Variants in MTCH2 observed in about 807,000 individuals in gnomAD.
MTCH2 encodes the protein mitochondrial carrier homolog 2.
In MTCH2, 25 loss-of-function variants were observed where a neutral mutation model predicts 50.6. The observed-to-expected ratio is 0.49, with a 90% CI of 0.36 to 0.69. MTCH2 has a LOEUF of 0.69. Among genes scored for constraint, MTCH2 ranks in the 30% least tolerant of loss-of-function variants. The probability of loss-of-function intolerance (pLI) is 0.00; values close to 1 mark genes in which losing one functional copy is unlikely to be tolerated. For missense variants in MTCH2, 273 were observed against 384.4 expected (o/e 0.71, Z 2.42); for synonymous variants, 106 against 132.0 (o/e 0.80, Z 1.35).
chr11:47,608,644 G>A, the MTCH2 span, among the ~76,000 whole-genome samples: 11 of 152,216 alleles, frequency 7.2e-5, no homozygotes, highest in East Asian at 9.7e-4. Flanking sequence ...GGCTTGGGGC[G>A]GAAGGATTAA....
At chr11:47,621,568 G>A (rs1565962630) in intron 12 of MTCH2, among the ~76,000 whole-genome samples, 1 of 151,988 alleles carries the variant, frequency 6.6e-6, no homozygotes, top group Non-Finnish European at 1.5e-5. Context: ...CAGTAGCTGG[G>A]ACTACAGGCA....
chr11:47,641,816 A>G (rs767242057), intron 1 of MTCH2, among the ~76,000 whole-genome samples: 1 of 152,176 alleles, frequency 6.6e-6, no homozygotes, highest in Non-Finnish European at 1.5e-5. Context: ...CCCCTTCATT[A>G]ACACTTCTGA....
intron 8 of MTCH2, chr11:47,629,494 A>T (rs188961302): frequency 2.4e-5 from 4 of 169,586 alleles, no homozygotes; most frequent in African/African-American, 9.5e-5. Flanking sequence ...GATGAGAGGC[A>T]TCAAAAACCA....
At chr11:47,613,579 C>T (rs978768821), downstream of MTCH2, among the ~76,000 whole-genome samples, 6 of 152,104 alleles carry the variant, frequency 3.9e-5, no homozygotes, top group Non-Finnish European at 8.8e-5. Context: ...GAAATCCTTG[C>T]CATACAGTAA....
the MTCH2 span, among the ~76,000 whole-genome samples, chr11:47,606,257 C>T: frequency 3.9e-5 from 6 of 152,194 alleles, no homozygotes; most frequent in African/African-American, 1.4e-4. Flanking sequence ...TGCTTTTCCT[C>T]GGGGGAGAAA....
intron 3 of MTCH2, among the ~76,000 whole-genome samples, chr11:47,637,417 C>T (rs1449108927): frequency 2.6e-5 from 4 of 152,172 alleles, no homozygotes; most frequent in South Asian, 2.1e-4. Context: ...CATAAAAGGA[C>T]AGAGAATTGA....
the MTCH2 span, among the ~76,000 whole-genome samples, chr11:47,605,859 T>C: frequency 2.6e-5 from 4 of 152,244 alleles, no homozygotes; most frequent in African/African-American, 9.6e-5. Flanking sequence ...TTATTGTTGA[T>C]ATTTTTATCA....
chr11:47,633,653 C>T (rs1189125967), intron 5 of MTCH2, among the ~76,000 whole-genome samples: 1 of 149,824 alleles, frequency 6.7e-6, no homozygotes, highest in Non-Finnish European at 1.5e-5. Context: ...TCTCCTGCCT[C>T]AGCCCCCCAA....
chr11:47,619,771 T>A (rs975252617), intron 12 of MTCH2, among the ~76,000 whole-genome samples: 1 of 151,926 alleles, frequency 6.6e-6, no homozygotes, highest in Admixed American at 6.6e-5. Context: ...CAAAACCCCG[T>A]TGCTACAAAA....
intron 10 of MTCH2, 21 bp downstream of exon 10, chr11:47,627,059 A>C: frequency 6.4e-7 from 1 of 1,559,238 alleles, no homozygotes; most frequent in Non-Finnish European, 8.8e-7. Context: ...TAGAAGGTTA[A>C]AAGGATTTTA....
intron 11 of MTCH2, among the ~76,000 whole-genome samples, chr11:47,623,839 G>A (rs1181282916): frequency 6.6e-6 from 1 of 152,074 alleles, no homozygotes; most frequent in Non-Finnish European, 1.5e-5. Context: ...ACCACTTGAG[G>A]TCAGGAGTTC....
At chr11:47,629,763 A>C (rs1012165638) in intron 8 of MTCH2, among the ~76,000 whole-genome samples, 4 of 151,928 alleles carry the variant, frequency 2.6e-5, no homozygotes, top group Admixed American at 6.6e-5. Context: ...AAAAAAAAAA[A>C]ACAAAAAACA....
chr11:47,625,743 T>C lies in MTCH2; in HGVS notation c.682-2A>G. Reference sequence around the variant, plus strand: ...ATAGGTCAACATACTCGCAAAAAACTGTAAAATGGAAACAAGGCAGCTGTT... The same window carrying C: ...ATAGGTCAACATACTCGCAAAAAACCGTAAAATGGAAACAAGGCAGCTGTT... On this transcript the variant is annotated splice_acceptor_variant, in intron 10 of 12. Coordinates refer to ENST00000302503, the MANE Select transcript of MTCH2 (RefSeq NM_014342.4). LOFTEE classifies it high-confidence loss of function. 6.6e-7 allele frequency: 1 copy of C among 1,508,112 alleles called. No individual in the cohort carries two copies. The highest frequency in any genetic ancestry group is 8.9e-7 in the Non-Finnish European group (1 of 1,129,478). The allele number at this position is 1,508,112 out of a possible 1,614,324, so 93.4% of individuals were successfully genotyped here.
the MTCH2 span, among the ~76,000 whole-genome samples, chr11:47,605,620 C>T: frequency 6.6e-6 from 1 of 152,162 alleles, no homozygotes; most frequent in Admixed American, 6.6e-5. Flanking sequence ...GGTCTAGGAG[C>T]ACAGAACTAG....
the MTCH2 span, among the ~76,000 whole-genome samples, chr11:47,611,082 T>A: frequency 6.6e-6 from 1 of 152,226 alleles, no homozygotes; most frequent in Non-Finnish European, 1.5e-5. Context: ...AATCCTCCAA[T>A]ACTCCTAGAG....
rs1362330071 is a variant in MTCH2, at chr11:47,630,536, C to G, written c.539+19G>C. The G allele has an allele frequency of 1.3e-6, 2 of 1,592,390 alleles. No individual in the cohort carries two copies. Among genetic ancestry groups the G allele is most frequent in the Non-Finnish European group, 1.7e-6 (2 of 1,160,674 alleles). On this transcript the variant is annotated intron_variant, in intron 8 of 12. Coordinates refer to ENST00000302503, the MANE Select transcript of MTCH2 (RefSeq NM_014342.4). Reference sequence around the variant, plus strand: ...TTCCCACTCATGCAAAAATTACACACTAATCAACATTTACTCACGCGAAAA... The same window carrying G: ...TTCCCACTCATGCAAAAATTACACAGTAATCAACATTTACTCACGCGAAAA...
chr11:47,627,462 C>T (rs1307081837), intron 9 of MTCH2, among the ~76,000 whole-genome samples: 2 of 151,324 alleles, frequency 1.3e-5, no homozygotes, highest in Admixed American at 1.3e-4. Context: ...AGCTAAGAGA[C>T]GGTGTCTTGC....
At chr11:47,607,240 G>A in the MTCH2 span, among the ~76,000 whole-genome samples, 1 of 152,198 alleles carries the variant, frequency 6.6e-6, no homozygotes, top group Non-Finnish European at 1.5e-5. Flanking sequence ...CCTGTGCATG[G>A]AAGGTTTCAA....
rs368345978 is a variant in MTCH2 at position 47,638,955 on chromosome 11, A to G, written c.172+12T>C. 3.4e-5 allele frequency: 55 copies of G among 1,601,270 alleles called. No individual in the cohort carries two copies. The highest frequency in any genetic ancestry group is 4.6e-5 in the Non-Finnish European group (54 of 1,173,942). On this transcript the variant is annotated intron_variant, in intron 2 of 12. Transcript: ENST00000302503. ...AACGTCATGCAAACCCAAATAAATC[A>G]AAGGCACTTACCATAACTAAAGAGA...
Sources: gnomAD v4.1 joint callset for allele counts (sites outside exome capture counted in the v4.1 genomes callset) on GRCh38, gnomAD v4.1.1 for gene constraint, MANE v1.5 for transcripts, NCBI Gene and HGNC (gene_info 2026-07-23, HGNC 2026-07-21) for gene names.